The following NBEA variants were observed in gnomAD, a reference collection of about 807,000 sequenced individuals.
NBEA encodes lysosomal-trafficking regulator 2.
In NBEA, 44 loss-of-function variants were observed where a neutral mutation model predicts 343.4. The ratio of observed to expected loss-of-function variants is 0.13; its 90% CI spans 0.10 to 0.16. The LOEUF is 0.16. NBEA is among the 10% of genes least tolerant of loss of function. The pLI, the probability that NBEA is intolerant of heterozygous loss-of-function variation, is 1.00. For synonymous variants in NBEA, 1,175 were observed against 1,238.7 expected, an observed-to-expected ratio of 0.95 and a Z score of 1.08; for missense variants, 2,555 against 3,631.3, an observed-to-expected ratio of 0.70 and a Z score of 7.62.
chr13:35,105,488 A>G (rs1325683530), intron 11 of NBEA, among the ~76,000 whole-genome samples: 2 of 152,048 alleles, frequency 1.3e-5, no homozygotes, highest in East Asian at 1.9e-4. Context: ...TTGAGGTCAC[A>G]AGGCTGCCAG....
chr13:35,326,410 A>G (rs562471290), intron 36 of NBEA, among the ~76,000 whole-genome samples: 1 of 152,098 alleles, frequency 6.6e-6, no homozygotes, highest in South Asian at 2.1e-4. Flanking sequence ...TATAAATGGG[A>G]TTGCATTTTT....
chr13:35,219,892 C>T (rs896612194), intron 33 of NBEA, among the ~76,000 whole-genome samples: 3 of 152,106 alleles, frequency 2.0e-5, no homozygotes, highest in African/African-American at 7.2e-5. Context: ...TGAAGGAGGG[C>T]AGTCTACCTA....
At chr13:35,287,858 A>G (rs752785011) in intron 34 of NBEA, among the ~76,000 whole-genome samples, 8 of 151,844 alleles carry the variant, frequency 5.3e-5, no homozygotes, top group Non-Finnish European at 1.2e-4. Context: ...TTCAATTTTT[A>G]TGTATCAAAT....
At position 35,634,232 on chromosome 13, in the gene NBEA, A is replaced by C. The variant is rs141741412; in HGVS notation, c.7617+5984A>C. Among the ~76,000 whole-genome samples the C allele has an allele frequency of 7.3e-3, 1,117 of 152,124 alleles. 11 individuals are homozygous for C. The highest frequency in any genetic ancestry group is 0.025 in the African/African-American group (1,047 of 41,498). On this transcript the variant is annotated intron_variant, in intron 49 of 58. Transcript: ENST00000379939. ...GTGGCGGGCACCTGTAGTCCCAGCT[A>C]CTCGGGAGGCTGAGGCAGGAGAATG...
intron 1 of NBEA, among the ~76,000 whole-genome samples, chr13:34,965,200 C>T (rs1298481521): frequency 6.6e-6 from 1 of 151,928 alleles, no homozygotes; most frequent in Non-Finnish European, 1.5e-5. Context: ...ATGCCCAACT[C>T]TGAGGACAGA....
chr13:35,021,279 G>T (rs1017615274), intron 1 of NBEA, among the ~76,000 whole-genome samples: 2 of 152,164 alleles, frequency 1.3e-5, no homozygotes, highest in Non-Finnish European at 2.9e-5. Context: ...GAATTGAGTA[G>T]TTATCATGGA....
intron 1 of NBEA, among the ~76,000 whole-genome samples, chr13:34,954,288 A>G (rs2059430064): frequency 6.6e-6 from 1 of 152,178 alleles, no homozygotes; most frequent in Non-Finnish European, 1.5e-5. Context: ...TCAAGGGACA[A>G]CTGTGTTTGT....
chr13:35,509,430 A>G (rs894844734), intron 41 of NBEA, among the ~76,000 whole-genome samples: 2 of 152,134 alleles, frequency 1.3e-5, no homozygotes, highest in African/African-American at 4.8e-5. Context: ...CTAGCAGTAT[A>G]TGTAAGGGAA....
intron 38 of NBEA, among the ~76,000 whole-genome samples, chr13:35,402,773 G>C (rs1005227745): frequency 1.3e-5 from 2 of 152,036 alleles, no homozygotes; most frequent in Non-Finnish European, 2.9e-5. Context: ...AATACAAATA[G>C]GCCGGATTGC....
At chr13:35,033,545 G>A (rs1179641401) in intron 1 of NBEA, among the ~76,000 whole-genome samples, 2 of 151,934 alleles carry the variant, frequency 1.3e-5, no homozygotes, top group Non-Finnish European at 2.9e-5. Flanking sequence ...TGTGAAGGAT[G>A]TCATTGGTAT....
Position 35,407,598 on chromosome 13 carries a change from C to T in NBEA, c.6180-24671C>T, listed in dbSNP as rs1594517187. Among the ~76,000 whole-genome samples, 7 of 151,550 alleles carry T rather than the reference C, an allele frequency of 4.6e-5. No individual in the cohort carries two copies. The South Asian group carries it at 1.3e-3, about 27-fold the overall frequency. ...AAGATTTCCTCTTGAATGATTTGCT[C>T]TGCCCTTTATCAAAAAGACATGTGT... On this transcript the variant is annotated intron_variant, in intron 38 of 58. Coordinates refer to ENST00000379939, the MANE Select transcript of NBEA (RefSeq NM_001385012.1).
At chr13:34,970,359 C>T (rs2059960140) in intron 1 of NBEA, among the ~76,000 whole-genome samples, 1 of 152,060 alleles carries the variant, frequency 6.6e-6, no homozygotes, top group African/African-American at 2.4e-5. Context: ...TCTGTTTACC[C>T]TGTTGATAGT....
chr13:35,139,744 G>GTTTTT (rs36117821), intron 17 of NBEA, among the ~76,000 whole-genome samples: 1,114 of 61,042 alleles, frequency 0.018, 231 homozygotes, highest in Non-Finnish European at 0.023. Flanking sequence ...GATGGATGGC[G>GTTTTT]TTTTTTTTTT....
rs932802894 is a variant in NBEA at position 35,487,254 on chromosome 13, A to G, written c.6585+14718A>G. The stretch of plus-strand genomic sequence containing the variant: ...CAATGATACATATGATTATATTATT[A>G]TATAAAGACTATTTTATGTACTGAT... On this transcript the variant is annotated intron_variant, in intron 41 of 58. Coordinates refer to ENST00000379939, the MANE Select transcript of NBEA (RefSeq NM_001385012.1). Among the ~76,000 whole-genome samples the G allele has an allele frequency of 1.3e-4, 20 of 152,068 alleles. No individual in the cohort carries two copies. In the East Asian group the frequency reaches 2.7e-3, roughly 21 times the overall value.
intron 41 of NBEA, among the ~76,000 whole-genome samples, chr13:35,527,526 T>C (rs1401661947): frequency 2.6e-5 from 4 of 152,212 alleles, no homozygotes; most frequent in Admixed American, 6.5e-5. Flanking sequence ...CCTGAGCTCC[T>C]GGGTGCCCAA....
At chr13:35,489,727 T>C (rs2076437185) in intron 41 of NBEA, among the ~76,000 whole-genome samples, 2 of 151,860 alleles carry the variant, frequency 1.3e-5, no homozygotes, top group African/African-American at 4.8e-5. Context: ...TCTCAAAATG[T>C]TTATGGCACT....
intron 1 of NBEA, among the ~76,000 whole-genome samples, chr13:34,972,715 AT>A (rs1352321492): frequency 4.6e-5 from 7 of 152,184 alleles, no homozygotes; most frequent in Admixed American, 3.3e-4. Context: ...ATTCTTTTGC[AT>A]TTCCTAAAGA....
intron 41 of NBEA, among the ~76,000 whole-genome samples, chr13:35,495,079 C>T (rs2076630994): frequency 6.6e-6 from 1 of 151,852 alleles, no homozygotes. Context: ...TAAGATCCAA[C>T]TCTGTGCTCT....
intron 28 of NBEA, among the ~76,000 whole-genome samples, chr13:35,181,033 A>AGT (rs1411156123): frequency 6.6e-6 from 1 of 151,736 alleles, no homozygotes; most frequent in South Asian, 2.1e-4. Flanking sequence ...AGCATGACAT[A>AGT]GTGTATATAT....
Sources: gnomAD v4.1 joint callset for allele counts (sites outside exome capture counted in the v4.1 genomes callset) on GRCh38, gnomAD v4.1.1 for gene constraint, MANE v1.5 for transcripts, NCBI Gene and HGNC (gene_info 2026-07-23, HGNC 2026-07-21) for gene names.